The following XYLT1 variants were observed in gnomAD, a reference collection of about 807,000 sequenced individuals.
XYLT1 encodes xylosyltransferase 1, also known as beta-D-xylosyltransferase 1.
A neutral mutation model predicts 91.3 loss-of-function variants in XYLT1; 36 were observed. That is an observed-to-expected ratio of 0.39 (90% confidence interval 0.30 to 0.52). The LOEUF (loss-of-function observed/expected upper bound fraction) is 0.52, where lower values mean the gene tolerates loss of function less well. XYLT1 is among the 20% of genes least tolerant of loss of function. The pLI, the probability that XYLT1 is intolerant of heterozygous loss-of-function variation, is 0.68. For synonymous variants in XYLT1, 588 were observed against 532.0 expected (o/e 1.11, Z -1.45); for missense variants, 1,242 against 1,284.5 (o/e 0.97, Z 0.51).
intron 1 of XYLT1, among the ~76,000 whole-genome samples, chr16:17,434,557 C>T (rs1271923383): frequency 1.3e-5 from 2 of 152,276 alleles, no homozygotes; most frequent in African/African-American, 4.8e-5. Context: ...TCAAGTTAAT[C>T]ATTTAAAAAA....
intron 2 of XYLT1, among the ~76,000 whole-genome samples, chr16:17,272,384 G>A (rs2033910585): frequency 6.6e-6 from 1 of 151,778 alleles, no homozygotes; most frequent in Admixed American, 6.6e-5. Context: ...GGCTGGTCTC[G>A]AACTCCTGAC....
chr16:17,434,264 G>C (rs1409829376), intron 1 of XYLT1, among the ~76,000 whole-genome samples: 1 of 152,180 alleles, frequency 6.6e-6, no homozygotes, highest in Non-Finnish European at 1.5e-5. Context: ...TCAGAATGAA[G>C]CATGTCCCAT....
At chr16:17,325,223 C>A (rs2034781716) in intron 2 of XYLT1, among the ~76,000 whole-genome samples, 1 of 152,062 alleles carries the variant, frequency 6.6e-6, no homozygotes, top group Non-Finnish European at 1.5e-5. Flanking sequence ...CATGGTGAAA[C>A]CCTGTCTCTA....
intron 1 of XYLT1, among the ~76,000 whole-genome samples, chr16:17,411,469 TA>T (rs945642656): frequency 6.6e-6 from 1 of 152,030 alleles, no homozygotes; most frequent in Non-Finnish European, 1.5e-5. Flanking sequence ...GCCCAGTCAC[TA>T]AAAAAAATTG....
chr16:17,212,517 A>G (rs188530547), intron 3 of XYLT1, among the ~76,000 whole-genome samples: 1 of 152,266 alleles, frequency 6.6e-6, no homozygotes, highest in East Asian at 1.9e-4. Flanking sequence ...TTACCCAAAC[A>G]TATCTTTGGC....
intron 1 of XYLT1, among the ~76,000 whole-genome samples, chr16:17,379,271 T>C (rs926934529): frequency 2.6e-5 from 4 of 152,120 alleles, no homozygotes; most frequent in African/African-American, 9.7e-5. Context: ...AAAGACTATA[T>C]ATAGAAGAAA....
intron 3 of XYLT1, among the ~76,000 whole-genome samples, chr16:17,256,649 GA>G (rs374567962): frequency 1.8e-5 from 2 of 114,244 alleles, no homozygotes; most frequent in Non-Finnish European, 1.8e-5. Flanking sequence ...ACTCCGTCTC[GA>G]AAAAAAAAAC....
At chr16:17,372,939 T>G (rs2035554392) in intron 1 of XYLT1, among the ~76,000 whole-genome samples, 1 of 152,220 alleles carries the variant, frequency 6.6e-6, no homozygotes, top group South Asian at 2.1e-4. Context: ...AAGTGTGGTC[T>G]ATAAGGACTA....
At chr16:17,244,365 G>A (rs77051791) in intron 3 of XYLT1, among the ~76,000 whole-genome samples, 72 of 152,284 alleles carry the variant, frequency 4.7e-4, no homozygotes, top group African/African-American at 1.6e-3. Context: ...GACTAGGCAC[G>A]AGAGATGTTA....
intron 1 of XYLT1, among the ~76,000 whole-genome samples, chr16:17,433,811 C>T (rs186380127): frequency 1.1e-3 from 172 of 152,312 alleles, no homozygotes; most frequent in African/African-American, 3.8e-3. Flanking sequence ...ATCTCCTTCT[C>T]CCCTTTCATT....
At chr16:17,260,922 G>C (rs2033712539) in intron 2 of XYLT1, among the ~76,000 whole-genome samples, 1 of 152,122 alleles carries the variant, frequency 6.6e-6, no homozygotes, top group Admixed American at 6.6e-5. Flanking sequence ...ATACGACTTA[G>C]TGATGGCCTG....
At chr16:17,443,241 A>G (rs1186637169) in intron 1 of XYLT1, among the ~76,000 whole-genome samples, 1 of 152,238 alleles carries the variant, frequency 6.6e-6, no homozygotes, top group African/African-American at 2.4e-5. Context: ...ATCATTTTAT[A>G]GTATGTATAT....
At chr16:17,278,339 A>G (rs969751395) in intron 2 of XYLT1, among the ~76,000 whole-genome samples, 3 of 152,090 alleles carry the variant, frequency 2.0e-5, no homozygotes, top group Non-Finnish European at 2.9e-5. Context: ...CGGCAGCTGC[A>G]CCTTGATACT....
chr16:17,444,058 C>T (rs1046696386), intron 1 of XYLT1, among the ~76,000 whole-genome samples: 3 of 152,194 alleles, frequency 2.0e-5, no homozygotes, highest in African/African-American at 7.2e-5. Context: ...TCCCAAGCTT[C>T]CTCCAGCCTT....
Position 17,470,525 on chromosome 16 carries a change from C to A in XYLT1, c.272G>T (p.Arg91Leu), listed in dbSNP as rs1437341776. Residue 91 changes from arginine to leucine, a missense_variant, in exon 1 of 12, where the codon CGG becomes CTG. This residue lies in a region of XYLT1 where 437 missense variants were observed against 411.5 expected (regional missense o/e 1.06). Coordinates refer to ENST00000261381, the MANE Select transcript of XYLT1 (RefSeq NM_022166.4). The stretch of plus-strand genomic sequence containing the variant: ...TCCCCGCGCCCGCGCCTGGGGCCCC[C>A]GTCCTCCTCCTCCTCCGCCGCCGCC... ...GGGGGGGGGG[R>L]GPQARARGGG... is the part of the protein sequence containing the mutation. 1 of 1,227,414 alleles carries A rather than the reference C, an allele frequency of 8.1e-7. No homozygotes were observed. The highest frequency in any genetic ancestry group is 1.0e-6 in the Non-Finnish European group (1 of 985,646). 76.0% of individuals were successfully genotyped at this position (1,227,414 alleles called of 1,614,324 possible).
At chr16:17,258,096 TAA>T (rs1038194193) in intron 3 of XYLT1, among the ~76,000 whole-genome samples, 2 of 148,230 alleles carry the variant, frequency 1.3e-5, no homozygotes, top group African/African-American at 5.0e-5. Context: ...CATCCGCACA[TAA>T]AAGAGTGCCA....
chr16:17,161,877 C>A (rs1000340481), intron 5 of XYLT1, among the ~76,000 whole-genome samples: 5 of 152,032 alleles, frequency 3.3e-5, no homozygotes, highest in Non-Finnish European at 5.9e-5. Context: ...ATAACTGGGG[C>A]CTGTTGCTAC....
At chr16:17,407,581 G>A (rs190369827) in intron 1 of XYLT1, among the ~76,000 whole-genome samples, 2 of 152,302 alleles carry the variant, frequency 1.3e-5, no homozygotes, top group Non-Finnish European at 2.9e-5. Context: ...GCATGAGACA[G>A]CAGCACTCAG....
At chr16:17,311,598 A>C (rs535076168) in intron 2 of XYLT1, among the ~76,000 whole-genome samples, 5 of 152,266 alleles carry the variant, frequency 3.3e-5, no homozygotes, top group African/African-American at 1.2e-4. Flanking sequence ...ACTGTGGGTG[A>C]ATTCCTTCCT....
Sources: gnomAD v4.1 joint callset for allele counts (sites outside exome capture counted in the v4.1 genomes callset) on GRCh38, gnomAD v4.1.1 for gene constraint, gnomAD v4.1.1 regional missense constraint, MANE v1.5 for transcripts, NCBI Gene and HGNC (gene_info 2026-07-23, HGNC 2026-07-21) for gene names.